The following ANO5 variants were observed in gnomAD, a reference collection of about 807,000 sequenced individuals.
ANO5 encodes anoctamin-5.
In ANO5, 109 loss-of-function variants were observed where a neutral mutation model predicts 121.0. That is an observed-to-expected ratio of 0.90 (90% CI 0.77 to 1.06). The LOEUF (loss-of-function observed/expected upper bound fraction) is 1.06. Among genes scored for constraint, ANO5 ranks in the 50% least tolerant of loss-of-function variants. ANO5 has a pLI of 0.00. For missense variants in ANO5, 1,064 were observed against 1,078.5 expected, an observed-to-expected ratio of 0.99 and a Z score of 0.19; for synonymous variants, 406 against 359.9, an observed-to-expected ratio of 1.13 and a Z score of -1.45.
intron 1 of ANO5, among the ~76,000 whole-genome samples, chr11:22,203,277 T>C (rs1852017584): frequency 6.6e-6 from 1 of 152,160 alleles, no homozygotes. Flanking sequence ...TTTAGTGTCA[T>C]AAACTTACTT....
At chr11:22,277,293 C>T (rs1182191496) in intron 21 of ANO5, among the ~76,000 whole-genome samples, 2 of 151,390 alleles carry the variant, frequency 1.3e-5, no homozygotes, top group Non-Finnish European at 3.0e-5. Flanking sequence ...CCTCAGAAAA[C>T]AGGAAGTATT....
chr11:22,228,244 C>T (rs1852913316), intron 7 of ANO5, among the ~76,000 whole-genome samples: 3 of 151,992 alleles, frequency 2.0e-5, no homozygotes, highest in South Asian at 2.1e-4. Flanking sequence ...TTGAGCAGTG[C>T]CTGGCTTGTA....
rs1442658977 is a variant in ANO5, at chr11:22,262,152, T to C, written c.1654T>C (p.Tyr552His). 2.5e-6 allele frequency: 4 copies of C among 1,613,684 alleles called. No individual in the cohort carries two copies. In the Admixed American group the frequency reaches 6.7e-5, roughly 27 times the overall value. Residue 552 changes from tyrosine (Y) to histidine (H), a missense_variant, in exon 16 of 22, where the codon TAT becomes CAT. Coordinates refer to ENST00000324559, the MANE Select transcript of ANO5 (RefSeq NM_213599.3). ...AGAAATTCCTCGAACATACCAGGAG[T>C]ATGAGAGCAGTCTTACCTTGAAAAT... ...KMEIPRTYQE[Y>H]ESSLTLKMFL...
At chr11:22,272,058 A>G (rs897491189) in intron 18 of ANO5, among the ~76,000 whole-genome samples, 3 of 152,006 alleles carry the variant, frequency 2.0e-5, no homozygotes, top group Non-Finnish European at 4.4e-5. Flanking sequence ...TAAATGGCTT[A>G]TTATTTTTTT....
intron 12 of ANO5, among the ~76,000 whole-genome samples, chr11:22,252,147 T>G (rs1853846625): frequency 6.6e-6 from 1 of 151,988 alleles, no homozygotes; most frequent in South Asian, 2.1e-4. Context: ...TTCTCTCATT[T>G]CTGCTTGGCT....
Position 22,193,366 on chromosome 11 carries a change from A to T in ANO5, c.-127A>T, listed in dbSNP as rs1851709794. The T allele has an allele frequency of 1.4e-6, 1 of 696,546 alleles. No individual in the cohort carries two copies. The highest frequency in any genetic ancestry group is 2.5e-5 in the South Asian group (1 of 39,278). 43.1% of individuals were successfully genotyped at this position (696,546 alleles called of 1,614,324 possible). A position where few individuals can be genotyped will look rare whatever the true frequency, so the allele number is the denominator to read the frequency against. ...GCAGAAGGAAGAGCAGGCCCTTAGA[A>T]GTCCAGCAGCAGCAACTCCGGCGGC... On this transcript the variant is annotated 5_prime_UTR_variant, in exon 1 of 22. In the 5' UTR this introduces an upstream ATG that the reference lacks. Transcript: ENST00000324559.
At chr11:22,258,111 C>T (rs1393969170) in intron 14 of ANO5, among the ~76,000 whole-genome samples, 3 of 152,140 alleles carry the variant, frequency 2.0e-5, no homozygotes, top group Non-Finnish European at 4.4e-5. Flanking sequence ...TTTATTTCCA[C>T]CTTATTTCCT....
At chr11:22,195,780 A>C (rs891075078) in intron 1 of ANO5, among the ~76,000 whole-genome samples, 2 of 152,158 alleles carry the variant, frequency 1.3e-5, no homozygotes, top group African/African-American at 4.8e-5. Flanking sequence ...TTATGCTTAC[A>C]TGTGATCCAA....
At chr11:22,215,295 A>G (rs1229472369) in intron 3 of ANO5, among the ~76,000 whole-genome samples, 1 of 152,012 alleles carries the variant, frequency 6.6e-6, no homozygotes, top group Non-Finnish European at 1.5e-5. Flanking sequence ...TCTTTGAGTA[A>G]AATGACAAGA....
At chr11:22,221,370 T>G (rs530644067) in intron 5 of ANO5, among the ~76,000 whole-genome samples, 160 bp downstream of exon 5, 1 of 152,198 alleles carries the variant, frequency 6.6e-6, no homozygotes, top group South Asian at 2.1e-4. Context: ...AGCCTAAGAA[T>G]AGACATGTAA....
intron 7 of ANO5, among the ~76,000 whole-genome samples, 182 bp downstream of exon 7, chr11:22,227,768 A>T (rs1852894870): frequency 6.6e-6 from 1 of 152,136 alleles, no homozygotes. Context: ...TACTCTCCCT[A>T]ACTCTCAAAC....
At chr11:22,273,092 CTT>C in intron 19 of ANO5, 103 bp downstream of exon 19, 2 of 1,228,388 alleles carry the variant, frequency 1.6e-6, no homozygotes, top group East Asian at 4.7e-5. Context: ...TATGGTGATA[CTT>C]TATAAAGCTA....
intron 2 of ANO5, among the ~76,000 whole-genome samples, chr11:22,204,734 A>G (rs115802822): frequency 0.018 from 2,675 of 152,216 alleles, 76 homozygotes; most frequent in African/African-American, 0.061. Context: ...AGGAATGCTT[A>G]TACACTGTTG....
chr11:22,216,454 T>C (rs1200905381), intron 3 of ANO5, among the ~76,000 whole-genome samples: 2 of 151,906 alleles, frequency 1.3e-5, no homozygotes, highest in African/African-American at 4.8e-5. Context: ...ATAATGATGT[T>C]GCCCATCTTT....
chr11:22,228,637 T>A (rs1026814571), intron 7 of ANO5, among the ~76,000 whole-genome samples: 4 of 151,940 alleles, frequency 2.6e-5, no homozygotes, highest in Non-Finnish European at 4.4e-5. Context: ...CTCCCCATTC[T>A]TTCCTCCCCC....
chr11:22,230,132 T>C (rs1345388687), intron 7 of ANO5, among the ~76,000 whole-genome samples: 2 of 151,998 alleles, frequency 1.3e-5, no homozygotes, highest in Non-Finnish European at 2.9e-5. Context: ...ACACCTTTTA[T>C]TGTGGAAAAA....
intron 21 of ANO5, among the ~76,000 whole-genome samples, chr11:22,278,545 T>TC (rs1171448791): frequency 6.8e-6 from 1 of 147,652 alleles, no homozygotes; most frequent in Admixed American, 6.6e-5. Context: ...TTTTTTTTTT[T>TC]CCATGTCAGA....
intron 7 of ANO5, among the ~76,000 whole-genome samples, chr11:22,230,123 C>CAA (rs1852990395): frequency 5.3e-5 from 8 of 151,848 alleles, no homozygotes; most frequent in Admixed American, 5.3e-4. Flanking sequence ...TATGTGTTTA[C>CAA]ACCTTTTATT....
At chr11:22,245,071 T>A (rs1486581730) in intron 9 of ANO5, among the ~76,000 whole-genome samples, 1 of 152,232 alleles carries the variant, frequency 6.6e-6, no homozygotes, top group Non-Finnish European at 1.5e-5. Flanking sequence ...GCCAAGGCTC[T>A]GTACAGGGTC....
Sources: allele counts gnomAD v4.1 joint callset (sites outside exome capture counted in the v4.1 genomes callset), GRCh38; gene constraint gnomAD v4.1.1; transcripts MANE v1.5; gene names NCBI Gene and HGNC (gene_info 2026-07-23, HGNC 2026-07-21).